Variants in FANCC observed in about 807,000 individuals in gnomAD.
FANCC encodes FA complementation group C, also known as Fanconi anemia group C protein.
Under a neutral mutation model 71.3 loss-of-function variants are expected in FANCC, and 55 were observed. That is an observed-to-expected ratio of 0.77 (90% CI 0.62 to 0.97). The LOEUF is 0.97. Among genes scored for constraint, FANCC ranks in the 50% least tolerant of loss-of-function variants. The pLI is 0.00. For missense variants in FANCC, 678 were observed against 670.9 expected (o/e 1.01, Z -0.12); for synonymous variants, 275 against 244.9 (o/e 1.12, Z -1.15).
chr9:95,249,341 C>G lies in FANCC; in HGVS notation c.-50G>C. On this transcript the variant is annotated 5_prime_UTR_variant, in exon 2 of 15. Transcript: ENST00000289081. ...TCCCTTCACAGCAGCCTGTCCAGCA[C>G]TGAAGGAAATGGTCGGCACACATTA... 1.3e-6 allele frequency: 2 copies of G among 1,572,882 alleles called. No homozygotes were observed. Among genetic ancestry groups the G allele is most frequent in the South Asian group, 2.2e-5 (2 of 90,140 alleles).
intron 4 of FANCC, among the ~76,000 whole-genome samples, chr9:95,192,963 C>A (rs1827201454): frequency 6.6e-6 from 1 of 152,154 alleles, no homozygotes; most frequent in Non-Finnish European, 1.5e-5. Context: ...GTTATAAAAT[C>A]TTTACTATAG....
intron 1 of FANCC, chr9:95,292,569 AC>A: frequency 6.8e-7 from 1 of 1,478,320 alleles, no homozygotes; most frequent in African/African-American, 1.4e-5. Flanking sequence ...GCTGTCCCAG[AC>A]CACATGGCCC....
chr9:95,132,347 T>C (rs1261234873), intron 8 of FANCC, among the ~76,000 whole-genome samples: 1 of 152,194 alleles, frequency 6.6e-6, no homozygotes, highest in African/African-American at 2.4e-5. Flanking sequence ...TCCTTCTAAT[T>C]TGGGGCCAGC....
intron 13 of FANCC, among the ~76,000 whole-genome samples, chr9:95,108,445 C>A (rs2071633011): frequency 6.6e-6 from 1 of 152,204 alleles, no homozygotes; most frequent in African/African-American, 2.4e-5. Context: ...TGTTTTTTCT[C>A]TTGACCCACA....
At chr9:95,286,969 G>A (rs760338428) in intron 1 of FANCC, among the ~76,000 whole-genome samples, 4 of 151,982 alleles carry the variant, frequency 2.6e-5, no homozygotes, top group Non-Finnish European at 5.9e-5. Flanking sequence ...GAAGCAAATA[G>A]CTTCCTCCTT....
intron 1 of FANCC, chr9:95,292,388 G>T: frequency 9.7e-7 from 1 of 1,034,352 alleles, no homozygotes; most frequent in South Asian, 4.5e-5. Context: ...CTCTGGCGGC[G>T]GGTGCCCGCG....
intron 1 of FANCC, among the ~76,000 whole-genome samples, chr9:95,298,592 G>T (rs4647371): frequency 0.011 from 1,603 of 152,302 alleles, 27 homozygotes; most frequent in African/African-American, 0.036. Flanking sequence ...GGCTCAGCTG[G>T]CCTGTGAACA....
chr9:95,280,098 T>C (rs1228399694), intron 1 of FANCC, among the ~76,000 whole-genome samples: 1 of 151,940 alleles, frequency 6.6e-6, no homozygotes, highest in Non-Finnish European at 1.5e-5. Flanking sequence ...AGAAAAGATA[T>C]GTCATGCAAA....
intron 14 of FANCC, among the ~76,000 whole-genome samples, chr9:95,104,777 C>T (rs1200570852): frequency 6.6e-6 from 1 of 152,148 alleles, no homozygotes; most frequent in Non-Finnish European, 1.5e-5. Flanking sequence ...CTTCTCCACT[C>T]ACACGGGCCA....
At chr9:95,226,644 A>G (rs1243849682) in intron 4 of FANCC, among the ~76,000 whole-genome samples, 2 of 152,110 alleles carry the variant, frequency 1.3e-5, no homozygotes, top group African/African-American at 4.8e-5. Context: ...TCTATCTTCA[A>G]CCACAAAACC....
intron 1 of FANCC, among the ~76,000 whole-genome samples, chr9:95,299,096 C>T (rs781488234): frequency 3.3e-4 from 50 of 152,194 alleles, no homozygotes; most frequent in Non-Finnish European, 4.8e-4. Flanking sequence ...TAGTCTAACA[C>T]ACCATTTACC....
intron 6 of FANCC, among the ~76,000 whole-genome samples, chr9:95,153,105 AAC>A (rs1352736618): frequency 5.9e-5 from 9 of 152,188 alleles, no homozygotes; most frequent in Non-Finnish European, 2.9e-5. Flanking sequence ...GTGAGAACAT[AAC>A]AGTTTGTGAT....
chr9:95,278,350 T>A lies in FANCC; in HGVS notation c.-78-28981A>T, dbSNP rs151229825. Among the ~76,000 whole-genome samples the A allele has an allele frequency of 5.3e-5, 8 of 152,346 alleles. No individual in the cohort carries two copies. In the East Asian group the frequency reaches 1.5e-3, roughly 29 times the overall value. On this transcript the variant is annotated intron_variant, in intron 1 of 14. Transcript: ENST00000289081. Reference sequence around the variant, plus strand: ...GATACACAGTCAGTAGAAGCCATACTCCAAATTTTGAATTTTGCTCTTTTC... The same window carrying A: ...GATACACAGTCAGTAGAAGCCATACACCAAATTTTGAATTTTGCTCTTTTC...
At chr9:95,308,124 C>T (rs533854975) in intron 1 of FANCC, among the ~76,000 whole-genome samples, 17 of 152,276 alleles carry the variant, frequency 1.1e-4, no homozygotes, top group African/African-American at 4.1e-4. Flanking sequence ...ACAATGTAAC[C>T]AAAGGTGGTT....
chr9:95,169,992 T>G (rs1390253003), intron 6 of FANCC, among the ~76,000 whole-genome samples: 1 of 152,220 alleles, frequency 6.6e-6, no homozygotes, highest in South Asian at 2.1e-4. Flanking sequence ...TTGTTTCTAT[T>G]TGTTAACAGA....
At chr9:95,151,938 A>T (rs541031712) in intron 6 of FANCC, among the ~76,000 whole-genome samples, 1 of 151,850 alleles carries the variant, frequency 6.6e-6, no homozygotes, top group Admixed American at 6.6e-5. Context: ...AAAAAAAAAA[A>T]AACAAAAAAC....
At chr9:95,237,879 T>G (rs1275423105) in intron 4 of FANCC, among the ~76,000 whole-genome samples, 2 of 152,242 alleles carry the variant, frequency 1.3e-5, no homozygotes, top group Non-Finnish European at 2.9e-5. Flanking sequence ...GATTAAATGT[T>G]GAAATGATGG....
chr9:95,292,837 G>GC, intron 1 of FANCC: 1 of 1,584,612 alleles, frequency 6.3e-7, no homozygotes, highest in South Asian at 1.1e-5. Flanking sequence ...CACAAATGTA[G>GC]CAAGTGCAGC....
intron 6 of FANCC, among the ~76,000 whole-genome samples, chr9:95,157,643 C>G (rs996319167): frequency 1.3e-5 from 2 of 152,140 alleles, no homozygotes; most frequent in African/African-American, 4.8e-5. Context: ...AGACCTAATG[C>G]TTAGTGTAAT....
Sources: allele counts gnomAD v4.1 joint callset (sites outside exome capture counted in the v4.1 genomes callset), GRCh38; gene constraint gnomAD v4.1.1; transcripts MANE v1.5; gene names NCBI Gene and HGNC (gene_info 2026-07-23, HGNC 2026-07-21).